FGGY: variants seen among roughly 807,000 people sequenced by gnomAD.
FGGY encodes FGGY carbohydrate kinase domain containing, also known as FGGY carbohydrate kinase domain-containing protein.
A neutral mutation model predicts 71.3 loss-of-function variants in FGGY; 72 were observed. The observed-to-expected ratio is 1.01, with a 90% confidence interval of 0.84 to 1.23. The LOEUF (loss-of-function observed/expected upper bound fraction) is 1.23, where lower values mean the gene tolerates loss of function less well. Ranked by LOEUF, FGGY falls within the 50% of genes most tolerant of loss-of-function variation. FGGY has a pLI of 0.00. For missense variants in FGGY, 668 were observed against 682.3 expected (o/e 0.98, Z 0.23); for synonymous variants, 251 against 250.3 (o/e 1.00, Z -0.02).
intron 10 of FGGY, among the ~76,000 whole-genome samples, chr1:59,629,826 C>T (rs2096891894): frequency 6.6e-6 from 1 of 152,156 alleles, no homozygotes; most frequent in South Asian, 2.1e-4. Flanking sequence ...GGAGAATCAA[C>T]CCGAAACACC....
At chr1:59,583,594 C>T (rs2096232090) in intron 8 of FGGY, among the ~76,000 whole-genome samples, 1 of 142,214 alleles carries the variant, frequency 7.0e-6, no homozygotes, top group Non-Finnish European at 1.5e-5. Flanking sequence ...ATGGACTGCG[C>T]ATGGAGGAAG....
At chr1:59,545,129 C>T (rs144715648) in intron 7 of FGGY, among the ~76,000 whole-genome samples, 38 of 152,280 alleles carry the variant, frequency 2.5e-4, no homozygotes, top group African/African-American at 8.4e-4. Flanking sequence ...ATTTTTCCAC[C>T]ACTGCTAGAC....
chr1:59,341,121 C>G (rs908161355), intron 3 of FGGY, among the ~76,000 whole-genome samples: 4 of 152,186 alleles, frequency 2.6e-5, no homozygotes, highest in African/African-American at 9.6e-5. Flanking sequence ...GGCGGGGACT[C>G]TGATTGTAGC....
intron 11 of FGGY, among the ~76,000 whole-genome samples, chr1:59,643,735 A>G (rs188841976): frequency 7.6e-4 from 115 of 152,306 alleles, no homozygotes; most frequent in Non-Finnish European, 1.4e-3. Context: ...AATTTACTCT[A>G]TAGGAAAAAC....
rs1448492423 is a variant in FGGY at position 59,681,840 on chromosome 1, A to C, written c.1512+7707A>C. ...CACACACATACATACTACTAGAAAA[A>C]GTTTGAGGTTCGATTCAGAGTGTGG... On this transcript the variant is annotated intron_variant, in intron 14 of 15. Coordinates refer to ENST00000303721, the MANE Select transcript of FGGY (RefSeq NM_018291.5). Among the ~76,000 whole-genome samples, 36 of 152,028 alleles carry C rather than the reference A, an allele frequency of 2.4e-4. 1 individual carries two copies. Among genetic ancestry groups the C allele is most frequent in the Non-Finnish European group, 5.9e-5 (4 of 67,976 alleles).
At chr1:59,634,957 CA>C (rs1443346175) in intron 10 of FGGY, among the ~76,000 whole-genome samples, 2 of 152,254 alleles carry the variant, frequency 1.3e-5, no homozygotes, top group East Asian at 3.9e-4. Context: ...ATGTGGACAG[CA>C]AAAGTTTCTC....
chr1:59,414,421 A>C (rs2064051036), intron 5 of FGGY, among the ~76,000 whole-genome samples: 1 of 152,184 alleles, frequency 6.6e-6, no homozygotes, highest in Non-Finnish European at 1.5e-5. Context: ...CTTCATCTTC[A>C]CATAAGGATA....
intron 5 of FGGY, among the ~76,000 whole-genome samples, chr1:59,441,870 C>T (rs1002822231): frequency 1.3e-5 from 2 of 152,144 alleles, no homozygotes; most frequent in African/African-American, 4.8e-5. Context: ...CATCTGGGGG[C>T]AGGATTATGC....
At chr1:59,626,155 G>A in intron 10 of FGGY, 106 bp downstream of exon 10, 1 of 811,424 alleles carries the variant, frequency 1.2e-6, no homozygotes, top group East Asian at 2.7e-5. Flanking sequence ...CAATGAAAAT[G>A]CCTGTTAGTG....
At chr1:59,732,850 C>T (rs1159874065) in intron 14 of FGGY, among the ~76,000 whole-genome samples, 2 of 152,032 alleles carry the variant, frequency 1.3e-5, no homozygotes, top group African/African-American at 2.4e-5. Context: ...CTGAAATCCC[C>T]GCGACGAGCT....
chr1:59,399,642 T>G (rs1409921698), intron 5 of FGGY, among the ~76,000 whole-genome samples: 1 of 152,178 alleles, frequency 6.6e-6, no homozygotes, highest in African/African-American at 2.4e-5. Flanking sequence ...TGTGCATTCT[T>G]GACATGATAT....
At chr1:59,528,483 C>CAGCTGTAGA (rs2095053103) in intron 7 of FGGY, among the ~76,000 whole-genome samples, 5 of 152,210 alleles carry the variant, frequency 3.3e-5, no homozygotes, top group Admixed American at 3.3e-4. Context: ...CCAGCGTTAA[C>CAGCTGTAGA]AGCTGTAGAT....
chr1:59,536,032 A>G (rs985756366), intron 7 of FGGY, among the ~76,000 whole-genome samples: 2 of 151,306 alleles, frequency 1.3e-5, no homozygotes, highest in African/African-American at 4.9e-5. Context: ...CAAAAAATTA[A>G]TGAATCCAGG....
intron 6 of FGGY, among the ~76,000 whole-genome samples, chr1:59,463,025 T>A (rs2092362040): frequency 6.6e-6 from 1 of 152,166 alleles, no homozygotes; most frequent in Admixed American, 6.6e-5. Flanking sequence ...TTATTGCGGC[T>A]CTGTTCACAA....
At chr1:59,511,680 T>C (rs2094522071) in intron 6 of FGGY, among the ~76,000 whole-genome samples, 1 of 152,360 alleles carries the variant, frequency 6.6e-6, no homozygotes. Flanking sequence ...GTCACTGCAT[T>C]GCACAACTCC....
rs1223576276 is a variant in FGGY, at chr1:59,584,288, G to A, written c.904-23515G>A. 4.0e-5 allele frequency among the ~76,000 whole-genome samples: 6 copies of A among 149,672 alleles called. 1 individual carries two copies. The highest frequency in any genetic ancestry group is 1.3e-4 in the African/African-American group (5 of 39,502). On this transcript the variant is annotated intron_variant, in intron 8 of 15. Transcript: ENST00000303721. ...ATCCTCAATAAAATACTGGCAAACC[G>A]AATTCAGCAGCACATCAAAAAGCTT...
intron 5 of FGGY, among the ~76,000 whole-genome samples, chr1:59,436,403 C>G (rs2068483308): frequency 6.6e-6 from 1 of 152,092 alleles, no homozygotes; most frequent in African/African-American, 2.4e-5. Context: ...AAGTGCCCCT[C>G]ATTGCATTTA....
intron 6 of FGGY, among the ~76,000 whole-genome samples, chr1:59,463,006 C>A (rs1419887973): frequency 2.6e-5 from 4 of 152,116 alleles, no homozygotes; most frequent in Non-Finnish European, 5.9e-5. Flanking sequence ...GACACATGCA[C>A]ACGTATGTTT....
chr1:59,383,557 C>G (rs1464414136), intron 5 of FGGY, among the ~76,000 whole-genome samples: 1 of 152,086 alleles, frequency 6.6e-6, no homozygotes, highest in African/African-American at 2.4e-5. Context: ...CTTATACAGT[C>G]CTCCCTTTTG....
Sources: allele counts gnomAD v4.1 joint callset (sites outside exome capture counted in the v4.1 genomes callset), GRCh38; gene constraint gnomAD v4.1.1; transcripts MANE v1.5; gene names NCBI Gene and HGNC (gene_info 2026-07-23, HGNC 2026-07-21).